Variants in CTBP1 observed in about 807,000 individuals in gnomAD.
CTBP1 encodes C-terminal-binding protein 1.
CTBP1 carries 11 observed loss-of-function variants against 42.1 expected under a neutral mutation model. That is an observed-to-expected ratio of 0.26 (90% CI 0.16 to 0.43). The LOEUF (loss-of-function observed/expected upper bound fraction) is 0.43, where lower values mean the gene tolerates loss of function less well. Ranked by LOEUF, CTBP1 falls within the 20% of genes least tolerant of loss-of-function variation. CTBP1 has a pLI of 1.00. For missense variants in CTBP1, 399 were observed against 624.3 expected (o/e 0.64, Z 3.85); for synonymous variants, 324 against 277.1 (o/e 1.17, Z -1.68).
intron 1 of CTBP1, 184 bp from the exon 2 acceptor site, chr4:1,241,703 C>G (rs1017502303): frequency 1.6e-5 from 20 of 1,232,660 alleles, no homozygotes; most frequent in Non-Finnish European, 2.1e-5. Flanking sequence ...GCCGCACACA[C>G]GAAGGGCGCT....
intron 1 of CTBP1, among the ~76,000 whole-genome samples, chr4:1,248,364 G>C (rs1214409458): frequency 2.0e-5 from 3 of 151,550 alleles, no homozygotes. Context: ...GGTCATACCC[G>C]GCACCCGCGC....
chr4:1,226,892 C>T (rs75777974), intron 4 of CTBP1, among the ~76,000 whole-genome samples: 5,688 of 152,014 alleles, frequency 0.037, 146 homozygotes, highest in Middle Eastern at 0.065. Flanking sequence ...ACACCACCTG[C>T]GTCCCCCGCA....
intron 3 of CTBP1, 111 bp from the exon 4 acceptor site, chr4:1,228,454 T>C (rs2108757418): frequency 7.3e-7 from 1 of 1,360,876 alleles, no homozygotes; most frequent in Non-Finnish European, 1.0e-6. Context: ...CTCAGGCTTG[T>C]TCCCCAAGCA....
chr4:1,228,759 G>A (rs1278499605), intron 3 of CTBP1, among the ~76,000 whole-genome samples: 2 of 152,068 alleles, frequency 1.3e-5, no homozygotes, highest in African/African-American at 2.4e-5. Flanking sequence ...CACTGAGCAG[G>A]TGCAGCTGGG....
chr4:1,227,776 G>A lies in CTBP1; in HGVS notation c.307+423C>T, dbSNP rs570264023. ...TCCATGTGCTGAGTGCACAGGTGCA[G>A]ACGTGTGTGTTCTGTGTGCTGAGTG... On this transcript the variant is annotated intron_variant, in intron 4 of 9. Coordinates refer to ENST00000382952, the MANE Select transcript of CTBP1 (RefSeq NM_001012614.2). Among the ~76,000 whole-genome samples, 6 of 152,276 alleles carry A rather than the reference G, an allele frequency of 3.9e-5. No homozygotes were observed. The South Asian group carries it at 1.0e-3, about 26-fold the overall frequency.
rs1253204946 is a variant in CTBP1 at position 1,213,049 on chromosome 4, AG to A, written c.989-20del. 6.2e-7 allele frequency: 1 copy of A among 1,610,462 alleles called. No individual in the cohort carries two copies. Among genetic ancestry groups the A allele is most frequent in the Non-Finnish European group, 8.5e-7 (1 of 1,177,536 alleles). The stretch of plus-strand genomic sequence containing the variant: ...ATCCGGCCTGGGAGATGCAGGAGGA[AG>A]GAACAGCTGTGGCTCTGAGGGGGCC... On this transcript the variant is annotated intron_variant, in intron 8 of 9. Transcript: ENST00000382952.
Position 1,233,526 on chromosome 4 carries a change from A to T in CTBP1, c.162+4657T>A, listed in dbSNP as rs1425883870. Among the ~76,000 whole-genome samples the T allele has an allele frequency of 6.6e-6, 1 of 152,072 alleles. No homozygotes were observed. The highest frequency in any genetic ancestry group is 1.5e-5 in the Non-Finnish European group (1 of 67,998). ...ACACCGGACGCAGCCTCCAGGCTCCAGGGCTTCCTTTTTCTTGCTCAGCAG... is the reference window on the plus strand; with the variant it reads ...ACACCGGACGCAGCCTCCAGGCTCCTGGGCTTCCTTTTTCTTGCTCAGCAG... On this transcript the variant is annotated intron_variant, in intron 3 of 9. Transcript: ENST00000382952. The surrounding 1 kb of genome is among the most constrained non-coding windows in gnomAD (Gnocchi z 4.6).
At chr4:1,242,833 A>C in intron 1 of CTBP1, 1 of 985,380 alleles carries the variant, frequency 1.0e-6, no homozygotes, top group Non-Finnish European at 1.2e-6. Flanking sequence ...AACCGCCTAA[A>C]TGTCACATTT....
chr4:1,242,202 C>T (rs1732249399), intron 1 of CTBP1: 1 of 985,422 alleles, frequency 1.0e-6, no homozygotes, highest in Non-Finnish European at 1.2e-6. Flanking sequence ...GGGCAGGGGG[C>T]CCCTGAGAGG....
intron 1 of CTBP1, chr4:1,242,206 T>C (rs938176926): frequency 2.0e-6 from 2 of 985,324 alleles, no homozygotes; most frequent in South Asian, 9.4e-5. Flanking sequence ...AGGGGGCCCC[T>C]GAGAGGGCCA....
At position 1,213,579 on chromosome 4, in the gene CTBP1, G is replaced by A. The variant is rs766975797; in HGVS notation, c.887C>T (p.Ala296Val). The A allele has an allele frequency of 1.9e-6, 3 of 1,613,198 alleles. No homozygotes were observed. Among genetic ancestry groups the A allele is most frequent in the South Asian group, 1.1e-5 (1 of 91,088 alleles). Reference protein sequence around the residue: ...FSFSQGPLKDAPNLICTPHAA... With the variant: ...FSFSQGPLKDVPNLICTPHAA... ...ATGGGGGGTGCAGATGAGGTTGGGTGCATCCTTCAGAGGGCCCTGGCTAAA... is the reference window on the plus strand; with the variant it reads ...ATGGGGGGTGCAGATGAGGTTGGGTACATCCTTCAGAGGGCCCTGGCTAAA... Residue 296 changes from alanine (A) to valine (V), a missense_variant, in exon 8 of 10, where the codon GCA (alanine) becomes GTA (valine). Around this residue, in one of 4 missense-constraint regions of CTBP1, gnomAD observed 309 missense variants for 497.5 expected, o/e 0.62. Transcript: ENST00000382952.
At chr4:1,234,746 CA>C (rs550634341) in intron 3 of CTBP1, 68 of 152,312 alleles carry the variant, frequency 4.5e-4, no homozygotes, top group African/African-American at 1.6e-3. Flanking sequence ...TCCAGCTTCC[CA>C]ATGAGAAAAC....
intron 2 of CTBP1, among the ~76,000 whole-genome samples, chr4:1,239,124 A>G (rs995097171): frequency 6.6e-6 from 1 of 152,260 alleles, no homozygotes; most frequent in Admixed American, 6.5e-5. Context: ...TCCCAGAACC[A>G]GATGATTAAA....
At position 1,233,713 on chromosome 4, in the gene CTBP1, A is replaced by G. The variant is rs1186459506; in HGVS notation, c.162+4470T>C. 9.9e-5 allele frequency among the ~76,000 whole-genome samples: 15 copies of G among 152,118 alleles called. 1 individual carries two copies. Among genetic ancestry groups the G allele is most frequent in the Admixed American group, 9.8e-4 (15 of 15,268 alleles). ...GAACCTGAACACTGGGGCGCCTCCC[A>G]GGCCCCGACATTCTTCCCGCTCCTC... is the stretch of plus-strand genomic sequence containing the variant. On this transcript the variant is annotated intron_variant, in intron 3 of 9. Transcript: ENST00000382952. The surrounding 1 kb of genome is among the most constrained non-coding windows in gnomAD (Gnocchi z 4.6).
At position 1,225,446 on chromosome 4, in the gene CTBP1, G is replaced by T; in HGVS notation, c.428C>A (p.Thr143Lys). 6.5e-7 allele frequency: 1 copy of T among 1,545,474 alleles called. No homozygotes were observed. Residue 143 changes from threonine (T) to lysine (K), a missense_variant, in exon 5 of 10, where the codon ACA becomes AAA. Coordinates refer to ENST00000382952, the MANE Select transcript of CTBP1 (RefSeq NM_001012614.2). ...TWLHQALREG[T>K]RVQSVEQIRE... is the part of the protein sequence containing the mutation. ...GATCTGCTCGACGCTCTGGACTCGT[G>T]TGCCCTCCCGCAGCGCCTGGTGCAG...
intron 6 of CTBP1, among the ~76,000 whole-genome samples, 173 bp from the exon 7 acceptor site, chr4:1,214,646 G>T (rs1040641097): frequency 1.3e-5 from 2 of 152,216 alleles, no homozygotes; most frequent in African/African-American, 2.4e-5. Flanking sequence ...GTGCTGCACC[G>T]CGGCCCTGAC....
At chr4:1,239,947 G>A (rs1246421452) in intron 2 of CTBP1, among the ~76,000 whole-genome samples, 1 of 152,238 alleles carries the variant, frequency 6.6e-6, no homozygotes, top group Non-Finnish European at 1.5e-5. Flanking sequence ...CTCTGCACGT[G>A]GCCTCCCTCC....
chr4:1,217,634 G>A lies in CTBP1; in HGVS notation c.515-1429C>T, dbSNP rs542047068. 19 of 152,370 alleles carry A rather than the reference G, an allele frequency of 1.2e-4. No homozygotes were observed. The South Asian group carries it at 1.7e-3, about 13-fold the overall frequency. The allele number at this position is 152,370 out of a possible 1,614,324, so 9.4% of individuals were successfully genotyped here. On this transcript the variant is annotated intron_variant, in intron 5 of 9. Coordinates refer to ENST00000382952, the MANE Select transcript of CTBP1 (RefSeq NM_001012614.2). Reference sequence around the variant, plus strand: ...GGTGGCGAAAACCAGCTAAAGCCGCGGGCCGGCGCCGGCCACGCCTGACAC... The same window carrying A: ...GGTGGCGAAAACCAGCTAAAGCCGCAGGCCGGCGCCGGCCACGCCTGACAC...
chr4:1,249,508 C>CAGCCGCAGCCGCAGCCGCCCCGCTCCCTT (rs1448927548), upstream of CTBP1: 2 of 175,146 alleles, frequency 1.1e-5, no homozygotes, highest in Non-Finnish European at 2.4e-5. Flanking sequence ...GCCGCAGCCG[C>CAGCCGCAGCCGCAGCCGCCCCGCTCCCTT]CCCGCTCCCT....
Sources: gnomAD v4.1 joint callset for allele counts (sites outside exome capture counted in the v4.1 genomes callset) on GRCh38, gnomAD v4.1.1 for gene constraint, gnomAD v4.1.1 regional missense constraint, Gnocchi (gnomAD v3.1) non-coding constraint, MANE v1.5 for transcripts, NCBI Gene and HGNC (gene_info 2026-07-23, HGNC 2026-07-21) for gene names.